The following COPB1 variants were observed in gnomAD, a reference collection of about 807,000 sequenced individuals.
The protein encoded by COPB1 is coatomer subunit beta.
A neutral mutation model predicts 108.7 loss-of-function variants in COPB1; 21 were observed. The observed-to-expected ratio is 0.19, with a 90% CI of 0.14 to 0.28. COPB1 has a LOEUF of 0.28. Ranked by LOEUF, COPB1 falls within the 10% of genes least tolerant of loss-of-function variation. The pLI is 1.00. For synonymous variants in COPB1, 378 were observed against 386.8 expected, an observed-to-expected ratio of 0.98 and a Z score of 0.27; for missense variants, 919 against 1,141.3, an observed-to-expected ratio of 0.81 and a Z score of 2.81.
intron 2 of COPB1, chr11:14,494,874 G>A (rs547409364): frequency 6.5e-6 from 1 of 152,920 alleles, no homozygotes; most frequent in Non-Finnish European, 1.5e-5. Flanking sequence ...ATTATGGGAG[G>A]ATAAATATGT....
intron 14 of COPB1, among the ~76,000 whole-genome samples, chr11:14,472,704 C>CACAGCTTCTCCATTAGGACTTGCT (rs1353992901): frequency 1.3e-5 from 2 of 152,176 alleles, no homozygotes; most frequent in African/African-American, 4.8e-5. Flanking sequence ...GATAACTTGC[C>CACAGCTTCTCCATTAGGACTTGCT]ACAGCTTCTC....
At chr11:14,499,552 C>T (rs1851105936) in intron 1 of COPB1, 155 bp downstream of exon 1, 2 of 151,802 alleles carry the variant, frequency 1.3e-5, no homozygotes, top group Admixed American at 1.3e-4. Flanking sequence ...GCGTCCGACC[C>T]GGAGCTTCCT....
chr11:14,470,205 C>T (rs768520146), intron 14 of COPB1, among the ~76,000 whole-genome samples: 4 of 152,198 alleles, frequency 2.6e-5, no homozygotes, highest in African/African-American at 7.2e-5. Context: ...CAGTTCTCTG[C>T]CGTTTTGTTT....
At chr11:14,485,533 C>T (rs764126840) in intron 7 of COPB1, among the ~76,000 whole-genome samples, 7 of 152,138 alleles carry the variant, frequency 4.6e-5, no homozygotes, top group Non-Finnish European at 8.8e-5. Flanking sequence ...AGAAGCCTTA[C>T]CAATGACACA....
intron 2 of COPB1, among the ~76,000 whole-genome samples, chr11:14,496,281 A>C (rs1851017013): frequency 6.6e-6 from 1 of 152,080 alleles, no homozygotes; most frequent in Admixed American, 6.5e-5. Flanking sequence ...TTTTCTTGAC[A>C]GAATCACTCA....
At chr11:14,461,675 T>TAA (rs1208720337) in intron 18 of COPB1, among the ~76,000 whole-genome samples, 2 of 152,188 alleles carry the variant, frequency 1.3e-5, no homozygotes, top group Non-Finnish European at 2.9e-5. Flanking sequence ...ATTCAGTGAG[T>TAA]ACTTACATAG....
At chr11:14,473,924 C>T (rs1031316) in intron 14 of COPB1, 151,258 of 152,230 alleles carry the variant, frequency 0.99, 75,154 homozygotes, top group Middle Eastern at 1. Context: ...TGTTACACTG[C>T]ATTGTTTTCA....
At position 14,481,239 on chromosome 11, in the gene COPB1, G is replaced by C. The variant is rs1850653683; in HGVS notation, c.958-142C>G. ...AAAACCACTAGTGGTGGAAGAACTA[G>C]ATAGTTTGGGTCTCCTGATACACTG... is the stretch of plus-strand genomic sequence containing the variant. On this transcript the variant is annotated intron_variant, in intron 8 of 21. Coordinates refer to ENST00000439561, the MANE Select transcript of COPB1 (RefSeq NM_001144061.2). The C allele has an allele frequency of 4.8e-6, 3 of 629,294 alleles. No homozygotes were observed. The South Asian group carries it at 6.0e-5, about 13-fold the overall frequency. The allele number at this position is 629,294 out of a possible 1,614,324, so 39.0% of individuals were successfully genotyped here.
At chr11:14,476,071 G>T in intron 12 of COPB1, 126 bp from the exon 13 acceptor site, 1 of 735,080 alleles carries the variant, frequency 1.4e-6, no homozygotes, top group Non-Finnish European at 2.1e-6. Context: ...TGGGAACTCT[G>T]CTTTCAATTT....
At position 14,459,428 on chromosome 11, in the gene COPB1, A is replaced by G. The variant is rs1850095598; in HGVS notation, c.2647-741T>C. Among the ~76,000 whole-genome samples, 8 of 152,258 alleles carry G rather than the reference A, an allele frequency of 5.3e-5. No homozygotes were observed. The South Asian group carries it at 1.7e-3, about 32-fold the overall frequency. ...TTATAACATTATAGAAATTTTACAT[A>G]AAGAAAAAAGTTCCTTAGAGCTCCA... On this transcript the variant is annotated intron_variant, in intron 20 of 21. Coordinates refer to ENST00000439561, the MANE Select transcript of COPB1 (RefSeq NM_001144061.2).
At chr11:14,464,615 T>C (rs939799244) in intron 18 of COPB1, among the ~76,000 whole-genome samples, 7 of 152,104 alleles carry the variant, frequency 4.6e-5, no homozygotes, top group East Asian at 3.8e-4. Flanking sequence ...ATTTTTTTTT[T>C]CCCTAACCTC....
At chr11:14,492,570 C>T (rs1290282557) in intron 4 of COPB1, among the ~76,000 whole-genome samples, 6 of 151,800 alleles carry the variant, frequency 4.0e-5, no homozygotes, top group Non-Finnish European at 8.8e-5. Context: ...CTCGAACTCC[C>T]GACCTCAGGT....
chr11:14,478,713 A>G (rs113610924), intron 11 of COPB1, among the ~76,000 whole-genome samples: 5 of 151,956 alleles, frequency 3.3e-5, no homozygotes, highest in Non-Finnish European at 7.4e-5. Context: ...TGGCCTCCCA[A>G]AGTGCTGGGA....
intron 14 of COPB1, 180 bp downstream of exon 14, chr11:14,474,315 G>T (rs1375321761): frequency 6.8e-6 from 3 of 443,572 alleles, no homozygotes; most frequent in Non-Finnish European, 1.2e-5. Context: ...AGCCCAAACA[G>T]AAGAGGAAGA....
chr11:14,487,415 G>C (rs958884374), intron 6 of COPB1, among the ~76,000 whole-genome samples: 2 of 152,142 alleles, frequency 1.3e-5, no homozygotes, highest in Non-Finnish European at 2.9e-5. Context: ...GGTGGCTCAC[G>C]CCTGTAATCT....
At chr11:14,484,966 G>A (rs1482522175) in intron 7 of COPB1, among the ~76,000 whole-genome samples, 1 of 152,084 alleles carries the variant, frequency 6.6e-6, no homozygotes, top group Non-Finnish European at 1.5e-5. Context: ...CTCTATTATT[G>A]AAAACACTCA....
At chr11:14,492,406 C>T (rs544011022) in intron 4 of COPB1, among the ~76,000 whole-genome samples, 18 of 152,060 alleles carry the variant, frequency 1.2e-4, no homozygotes, top group African/African-American at 4.1e-4. Flanking sequence ...TGCAATAGCG[C>T]GATCTCGGTT....
chr11:14,473,436 C>T (rs1236829038), intron 14 of COPB1, among the ~76,000 whole-genome samples: 1 of 152,156 alleles, frequency 6.6e-6, no homozygotes, highest in Non-Finnish European at 1.5e-5. Context: ...TTATTTCTCA[C>T]TTTTGATTTA....
chr11:14,479,960 A>T (rs1850625947), intron 10 of COPB1, among the ~76,000 whole-genome samples: 1 of 152,116 alleles, frequency 6.6e-6, no homozygotes, highest in African/African-American at 2.4e-5. Flanking sequence ...GCATGACACT[A>T]TGCCTAGCTA....
Sources: allele counts gnomAD v4.1 joint callset (sites outside exome capture counted in the v4.1 genomes callset), GRCh38; gene constraint gnomAD v4.1.1; transcripts MANE v1.5; gene names NCBI Gene and HGNC (gene_info 2026-07-23, HGNC 2026-07-21).